The following RHBDL2 variants were observed in gnomAD, a reference collection of about 807,000 sequenced individuals.
RHBDL2 encodes the protein rhomboid-related protein 2.
A neutral mutation model predicts 31.7 loss-of-function variants in RHBDL2; 26 were observed. That is an observed-to-expected ratio of 0.82 (90% CI 0.60 to 1.14). RHBDL2 has a LOEUF of 1.14. Among genes scored for constraint, RHBDL2 ranks in the 50% most tolerant of loss-of-function variants. RHBDL2 has a pLI of 0.00. For synonymous variants in RHBDL2, 123 were observed against 127.2 expected (o/e 0.97, Z 0.22); for missense variants, 336 against 364.4 (o/e 0.92, Z 0.63).
At chr1:38,928,600 C>G (rs1643405510) in intron 1 of RHBDL2, among the ~76,000 whole-genome samples, 1 of 152,124 alleles carries the variant, frequency 6.6e-6, no homozygotes, top group Non-Finnish European at 1.5e-5. Flanking sequence ...GCATGCGCCA[C>G]CACGCCTGGC....
At chr1:38,935,793 T>C (rs1460531537) in intron 1 of RHBDL2, among the ~76,000 whole-genome samples, 2 of 152,042 alleles carry the variant, frequency 1.3e-5, no homozygotes, top group African/African-American at 2.4e-5. Flanking sequence ...TTGTATTTTT[T>C]TGTAGAGACA....
Position 38,934,040 on chromosome 1 carries a change from T to A in RHBDL2, c.-126+7642A>T, listed in dbSNP as rs1643466070. On this transcript the variant is annotated intron_variant, in intron 1 of 7. Coordinates refer to ENST00000372990, the MANE Select transcript of RHBDL2 (RefSeq NM_017821.5). ...ACCGTGCTGTGTCCACAAGTCTTCATAAATCCCCATAAAAATTTTGAAGAA... is the reference window on the plus strand; with the variant it reads ...ACCGTGCTGTGTCCACAAGTCTTCAAAAATCCCCATAAAAATTTTGAAGAA... Among the ~76,000 whole-genome samples, 4 of 152,230 alleles carry A rather than the reference T, an allele frequency of 2.6e-5. No homozygotes were observed. In the South Asian group the frequency reaches 8.3e-4, roughly 32 times the overall value.
At chr1:38,908,513 CAAAAAAAAAAAAA>C (rs35185971) in intron 4 of RHBDL2, among the ~76,000 whole-genome samples, 5 of 66,876 alleles carry the variant, frequency 7.5e-5, no homozygotes, top group African/African-American at 3.0e-4. Context: ...ACTCCGTCTC[CAAAAAAAAAAAAA>C]AAAAAAAAAA....
intron 3 of RHBDL2, 70 bp from the exon 4 acceptor site, chr1:38,911,504 A>T (rs973604054): frequency 2.0e-6 from 2 of 1,020,252 alleles, no homozygotes; most frequent in African/African-American, 3.1e-5. Flanking sequence ...GGAGATGAAC[A>T]GACTTTCATG....
intron 1 of RHBDL2, among the ~76,000 whole-genome samples, chr1:38,927,718 G>T (rs1198967210): frequency 6.6e-6 from 1 of 152,162 alleles, no homozygotes; most frequent in Admixed American, 6.6e-5. Flanking sequence ...CAGAATTGTG[G>T]TAAGAATCAA....
intron 4 of RHBDL2, among the ~76,000 whole-genome samples, chr1:38,901,897 GA>G (rs1410675707): frequency 6.6e-6 from 1 of 150,964 alleles, no homozygotes; most frequent in African/African-American, 2.4e-5. Context: ...AACCACAGGA[GA>G]AACAAACAAA....
intron 3 of RHBDL2, among the ~76,000 whole-genome samples, chr1:38,914,480 G>A (rs1202270926): frequency 2.0e-5 from 3 of 151,740 alleles, no homozygotes; most frequent in Non-Finnish European, 2.9e-5. Flanking sequence ...GACCTCAGGT[G>A]ATCTATCCAC....
intron 4 of RHBDL2, among the ~76,000 whole-genome samples, chr1:38,906,110 C>T (rs944916449): frequency 1.3e-5 from 2 of 150,820 alleles, no homozygotes; most frequent in East Asian, 1.9e-4. Flanking sequence ...CATTTTGTGG[C>T]GAAATACTCA....
intron 2 of RHBDL2, among the ~76,000 whole-genome samples, chr1:38,916,774 G>A (rs1023186094): frequency 1.3e-5 from 2 of 150,400 alleles, no homozygotes; most frequent in African/African-American, 4.9e-5. Context: ...GGGAGGCTGA[G>A]TCAGGAGAAT....
chr1:38,888,788 A>G (rs901672567), intron 6 of RHBDL2, among the ~76,000 whole-genome samples: 2 of 132,760 alleles, frequency 1.5e-5, no homozygotes, highest in African/African-American at 5.1e-5. Context: ...GGTGGGACTC[A>G]GCTTTCTGTT....
chr1:38,893,769 C>T (rs1312920771), intron 5 of RHBDL2, among the ~76,000 whole-genome samples: 1 of 152,042 alleles, frequency 6.6e-6, no homozygotes, highest in Non-Finnish European at 1.5e-5. Context: ...GGGAGGATCT[C>T]ACTCTGTCAC....
intron 4 of RHBDL2, among the ~76,000 whole-genome samples, chr1:38,899,065 T>C (rs1368914003): frequency 6.6e-6 from 1 of 152,218 alleles, no homozygotes; most frequent in Admixed American, 6.5e-5. Context: ...TAGTCTTCTG[T>C]GACTAAGCTT....
intron 1 of RHBDL2, among the ~76,000 whole-genome samples, chr1:38,928,760 T>A (rs903703181): frequency 5.0e-4 from 76 of 151,838 alleles, no homozygotes; most frequent in African/African-American, 1.6e-3. Flanking sequence ...AAAAAAAAAA[T>A]TTTAAATAAA....
At chr1:38,925,211 A>G (rs1643361521) in intron 1 of RHBDL2, among the ~76,000 whole-genome samples, 1 of 152,048 alleles carries the variant, frequency 6.6e-6, no homozygotes, top group Non-Finnish European at 1.5e-5. Context: ...TGTAAAGTAT[A>G]GCCAGGCCAG....
chr1:38,912,930 G>GTC (rs1159072741), intron 3 of RHBDL2, among the ~76,000 whole-genome samples: 1,810 of 123,496 alleles, frequency 0.015, 81 homozygotes, highest in African/African-American at 0.059. Context: ...GTGTGTGTGT[G>GTC]TGTGTGTGTG....
At chr1:38,893,099 T>G in intron 6 of RHBDL2, 65 bp downstream of exon 6, 1 of 956,020 alleles carries the variant, frequency 1.0e-6, no homozygotes, top group East Asian at 2.5e-5. Context: ...ATAAAATGTT[T>G]AGAGATTTGT....
At chr1:38,887,277 A>G (rs938429564) in intron 7 of RHBDL2, among the ~76,000 whole-genome samples, 2 of 151,650 alleles carry the variant, frequency 1.3e-5, no homozygotes, top group Admixed American at 1.3e-4. Context: ...GTGCAGTCGC[A>G]TGATCACAGC....
chr1:38,896,000 A>G lies in RHBDL2; in HGVS notation c.578T>C (p.Leu193Pro). The G allele has an allele frequency of 6.2e-7, 1 of 1,613,824 alleles. No homozygotes were observed. Residue 193 changes from leucine to proline, a missense_variant, in exon 5 of 8, where the codon CTG becomes CCG. Transcript: ENST00000372990. ...LVGASGGVYALMGGYFMNVLV... is the reference protein window; with the variant it reads ...LVGASGGVYAPMGGYFMNVLV... ...AACATTCATAAAATAGCCTCCCATC[A>G]GAGCATAGACTCCTCCTGAAGCTCC...
At chr1:38,924,987 G>T (rs1034508967) in intron 1 of RHBDL2, among the ~76,000 whole-genome samples, 1 of 151,496 alleles carries the variant, frequency 6.6e-6, no homozygotes, top group Non-Finnish European at 1.5e-5. Flanking sequence ...CACCATGTTG[G>T]TCAGGCTGGT....
Sources: gnomAD v4.1 joint callset for allele counts (sites outside exome capture counted in the v4.1 genomes callset) on GRCh38, gnomAD v4.1.1 for gene constraint, MANE v1.5 for transcripts, NCBI Gene and HGNC (gene_info 2026-07-23, HGNC 2026-07-21) for gene names.